Variants in ERLIN2 observed in about 807,000 individuals in gnomAD.
ERLIN2 encodes the protein ER lipid raft associated 2.
In ERLIN2, 22 loss-of-function variants were observed where a neutral mutation model predicts 41.5. That is an observed-to-expected ratio of 0.53 (90% CI 0.38 to 0.76). The LOEUF (loss-of-function observed/expected upper bound fraction) is 0.76. Ranked by LOEUF, ERLIN2 falls within the 30% of genes least tolerant of loss-of-function variation. The probability of loss-of-function intolerance (pLI) is 0.00; values close to 1 mark genes in which losing one functional copy is unlikely to be tolerated. For missense variants in ERLIN2, 247 were observed against 414.3 expected (o/e 0.60, Z 3.51); for synonymous variants, 149 against 150.9 (o/e 0.99, Z 0.09).
At chr8:37,743,243 T>C (rs1802917042) in intron 4 of ERLIN2, among the ~76,000 whole-genome samples, 3 of 152,310 alleles carry the variant, frequency 2.0e-5, no homozygotes, top group African/African-American at 7.2e-5. Flanking sequence ...ACAGAAACTA[T>C]ATGAGTCCAC....
At chr8:37,747,914 AG>A in intron 6 of ERLIN2, 1 of 1,614,202 alleles carries the variant, frequency 6.2e-7, no homozygotes, top group Non-Finnish European at 8.5e-7. Flanking sequence ...CACAAACAGT[AG>A]TACACATGGA....
chr8:37,736,744 C>T (rs1802656451), intron 1 of ERLIN2, 66 bp downstream of exon 1: 2 of 985,714 alleles, frequency 2.0e-6, no homozygotes, highest in Non-Finnish European at 2.4e-6. Context: ...GGGGCTGACC[C>T]GTCACTTTCG....
intron 6 of ERLIN2, chr8:37,748,029 C>A (rs1160970312): frequency 3.1e-6 from 5 of 1,598,032 alleles, no homozygotes; most frequent in South Asian, 2.2e-5. Context: ...ACCTGAAAAA[C>A]TCTACGCAAA....
Position 37,737,982 on chromosome 8 carries a change from C to T in ERLIN2, c.60C>T (p.Phe20=). The T allele has an allele frequency of 1.2e-6, 2 of 1,614,104 alleles. No homozygotes were observed. The highest frequency in any genetic ancestry group is 2.2e-5 in the South Asian group (2 of 91,074). The change falls in exon 2 of 12, where the codon TTC becomes TTT. Residue 20 remains phenylalanine (F), a synonymous_variant. Transcript: ENST00000519638. ...VASSFFCASL[F]SAVHKIEEGH... The stretch of plus-strand genomic sequence containing the variant: ...CCAGTTTCTTTTGTGCATCTCTCTT[C>T]TCAGCTGTGCACAAGATAGAAGAGG...
intron 6 of ERLIN2, chr8:37,747,371 T>C (rs1444296404): frequency 6.9e-7 from 1 of 1,444,160 alleles, no homozygotes. Flanking sequence ...GTCCCCTTCA[T>C]TTTCACTTTC....
Position 37,748,132 on chromosome 8 carries a change from C to T in ERLIN2, c.425-1427C>T, listed in dbSNP as rs188763810. The T allele has an allele frequency of 1.8e-5, 12 of 679,560 alleles. No homozygotes were observed. The East Asian group carries it at 3.2e-4, about 18-fold the overall frequency. 42.1% of individuals were successfully genotyped at this position (679,560 alleles called of 1,614,324 possible). ...ATACAATTTAAATGGCATTTATCAACATTTCCATAACATATAAACATCAAT... is the reference window on the plus strand; with the variant it reads ...ATACAATTTAAATGGCATTTATCAATATTTCCATAACATATAAACATCAAT... On this transcript the variant is annotated intron_variant, in intron 6 of 11. Coordinates refer to ENST00000519638, the MANE Select transcript of ERLIN2 (RefSeq NM_007175.8).
In ERLIN2 at chr8:37,754,264, T is replaced by G; in HGVS notation, c.*149T>G. The G allele has an allele frequency of 1.4e-6, 1 of 727,550 alleles. No homozygotes were observed. The highest frequency in any genetic ancestry group is 2.4e-6 in the Non-Finnish European group (1 of 414,146). 45.1% of individuals were successfully genotyped at this position (727,550 alleles called of 1,614,324 possible). A position where few individuals can be genotyped will look rare whatever the true frequency, so the allele number is the denominator to read the frequency against. ...AGAAATGAACTTAAATCCACTCCCT[T>G]TCTAGGGAAAGGAGGGTGGGGACTG... On this transcript the variant is annotated 3_prime_UTR_variant, in exon 12 of 12. Coordinates refer to ENST00000519638, the MANE Select transcript of ERLIN2 (RefSeq NM_007175.8).
Position 37,749,811 on chromosome 8 carries a change from G to C in ERLIN2, c.516G>C (p.Lys172Asn). 1 of 1,614,128 alleles carries C rather than the reference G, an allele frequency of 6.2e-7. No homozygotes were observed. Among genetic ancestry groups the C allele is most frequent in the Non-Finnish European group, 8.5e-7 (1 of 1,180,018 alleles). Reference sequence around the variant, plus strand: ...CTCTCCAGGCTGTGCGGGTAACAAAGCCCAACATACCAGAGGCAATCCGCA... The same window carrying C: ...CTCTCCAGGCTGTGCGGGTAACAAACCCCAACATACCAGAGGCAATCCGCA... ...GLVIQAVRVT[K>N]PNIPEAIRRN... The change falls in exon 8 of 12, where the codon AAG becomes AAC. Residue 172 changes from lysine (K) to asparagine (N), a missense_variant. Coordinates refer to ENST00000519638, the MANE Select transcript of ERLIN2 (RefSeq NM_007175.8).
intron 6 of ERLIN2, chr8:37,745,261 C>G (rs540956226): frequency 3.1e-4 from 150 of 484,388 alleles, no homozygotes; most frequent in Non-Finnish European, 5.1e-4. Flanking sequence ...GAGATGAGAA[C>G]CATAGCTCCT....
At chr8:37,745,758 A>G in intron 6 of ERLIN2, 1 of 1,504,354 alleles carries the variant, frequency 6.6e-7, no homozygotes, top group Non-Finnish European at 8.9e-7. Flanking sequence ...AATGAATCTA[A>G]ATTCATTTTA....
chr8:37,746,360 C>T, intron 6 of ERLIN2: 2 of 985,222 alleles, frequency 2.0e-6, no homozygotes, highest in Non-Finnish European at 2.4e-6. Flanking sequence ...ACCTGAAGAA[C>T]CTCTTTGTGT....
Position 37,749,618 on chromosome 8 carries a change from G to A in ERLIN2, c.484G>A (p.Gly162Arg), listed in dbSNP as rs747970420. The A allele has an allele frequency of 1.2e-6, 2 of 1,613,334 alleles. No homozygotes were observed. The highest frequency in any genetic ancestry group is 2.7e-5 in the African/African-American group (2 of 74,906). Residue 162 changes from glycine (G) to arginine (R), a missense_variant, in exon 7 of 12, where the codon GGG becomes AGG. Gly to Arg is a moderately radical substitution (Grantham distance 125). Around this residue, in one of 3 missense-constraint regions of ERLIN2, gnomAD observed 153 missense variants for 256.4 expected, o/e 0.60. Coordinates refer to ENST00000519638, the MANE Select transcript of ERLIN2 (RefSeq NM_007175.8). ...ACAGGACCTGACCTCCATGGCCCCT[G>A]GGCTGGTCATTCAAGTAAGCATTGC... ...LQQDLTSMAP[G>R]LVIQAVRVTK...
intron 6 of ERLIN2, chr8:37,748,019 A>C: frequency 6.2e-7 from 1 of 1,604,250 alleles, no homozygotes; most frequent in Non-Finnish European, 8.5e-7. Flanking sequence ...TCCAGGAGCA[A>C]CCTGAAAAAC....
chr8:37,745,606 G>T, intron 6 of ERLIN2: 1 of 1,614,054 alleles, frequency 6.2e-7, no homozygotes, highest in South Asian at 1.1e-5. Flanking sequence ...CTTCATAAAA[G>T]GGACCCTGAG....
At chr8:37,753,889 T>G (rs750827719) in intron 11 of ERLIN2, 26 bp from the exon 12 acceptor site, 5 of 1,592,968 alleles carry the variant, frequency 3.1e-6, no homozygotes, top group Non-Finnish European at 4.3e-6. Flanking sequence ...AACATAAGTC[T>G]TCCATACTTT....
rs1381545437 is a variant in ERLIN2 at position 37,758,417 on chromosome 8, A to G, written c.*4302A>G. On this transcript the variant is annotated 3_prime_UTR_variant, in exon 12 of 12. Coordinates refer to ENST00000519638, the MANE Select transcript of ERLIN2 (RefSeq NM_007175.8). ...TAATAAAATGAGTTGCATGGCTTATATGAAATAATGCATACGAAGGGCTTT... is the reference window on the plus strand; with the variant it reads ...TAATAAAATGAGTTGCATGGCTTATGTGAAATAATGCATACGAAGGGCTTT... 6.6e-6 allele frequency: 1 copy of G among 152,226 alleles called. No homozygotes were observed. The highest frequency in any genetic ancestry group is 1.9e-4 in the East Asian group (1 of 5,194). The allele number at this position is 152,226 out of a possible 1,614,324, so 9.4% of individuals were successfully genotyped here.
At chr8:37,746,692 A>G in intron 6 of ERLIN2, 1 of 232,796 alleles carries the variant, frequency 4.3e-6, no homozygotes, top group Non-Finnish European at 7.1e-6. Context: ...TTCGGATCTG[A>G]GCTGTCTTAC....
chr8:37,744,238 C>A (rs1405962214), intron 4 of ERLIN2, 117 bp from the exon 5 acceptor site: 2 of 909,650 alleles, frequency 2.2e-6, no homozygotes, highest in African/African-American at 1.6e-5. Context: ...CTTCCAACTT[C>A]CCGTGAACTC....
chr8:37,751,994 G>A (rs112261419), intron 10 of ERLIN2, among the ~76,000 whole-genome samples: 189 of 152,302 alleles, frequency 1.2e-3, no homozygotes, highest in African/African-American at 4.2e-3. Flanking sequence ...AGGAAGTCCC[G>A]TAGACCCTGC....
Sources: gnomAD v4.1 joint callset for allele counts (sites outside exome capture counted in the v4.1 genomes callset) on GRCh38, gnomAD v4.1.1 for gene constraint, gnomAD v4.1.1 regional missense constraint, MANE v1.5 for transcripts, NCBI Gene and HGNC (gene_info 2026-07-23, HGNC 2026-07-21) for gene names.